KPNA4: variants seen among roughly 807,000 people sequenced by gnomAD.
KPNA4 encodes the protein importin subunit alpha-3.
A neutral mutation model predicts 71.3 loss-of-function variants in KPNA4; 13 were observed. The observed-to-expected ratio is 0.18, with a 90% confidence interval of 0.12 to 0.29. KPNA4 has a LOEUF of 0.29. Ranked by LOEUF, KPNA4 falls within the 10% of genes least tolerant of loss-of-function variation. The pLI, the probability that KPNA4 is intolerant of heterozygous loss-of-function variation, is 1.00. For missense variants in KPNA4, 334 were observed against 603.2 expected (o/e 0.55, Z 4.67); for synonymous variants, 189 against 195.2 (o/e 0.97, Z 0.26).
intron 16 of KPNA4, among the ~76,000 whole-genome samples, chr3:160,504,451 T>C (rs1456739658): frequency 6.6e-6 from 1 of 152,244 alleles, no homozygotes; most frequent in African/African-American, 2.4e-5. Context: ...TAATTTCCAC[T>C]ACTATTACTA....
chr3:160,514,933 A>G (rs887739666), intron 12 of KPNA4: 1 of 518,304 alleles, frequency 1.9e-6, no homozygotes, highest in Non-Finnish European at 3.9e-6. Flanking sequence ...GACCATTTTA[A>G]TGAACCTGTT....
intron 6 of KPNA4, 146 bp downstream of exon 6, chr3:160,531,316 C>G (rs1721569757): frequency 2.1e-6 from 1 of 479,826 alleles, no homozygotes. Context: ...TGTTAACAAA[C>G]CTTGCACTGC....
intron 1 of KPNA4, among the ~76,000 whole-genome samples, chr3:160,557,419 T>C (rs1452575254): frequency 1.3e-5 from 2 of 152,200 alleles, no homozygotes; most frequent in East Asian, 3.8e-4. Flanking sequence ...AACAGGACAC[T>C]GAGATAGACT....
chr3:160,544,849 G>C (rs1269109663), intron 1 of KPNA4, among the ~76,000 whole-genome samples: 2 of 152,134 alleles, frequency 1.3e-5, no homozygotes, highest in African/African-American at 4.8e-5. Context: ...GTAAGCAAGA[G>C]AGATTGAGGA....
chr3:160,531,111 G>C (rs143277128), intron 6 of KPNA4, among the ~76,000 whole-genome samples, 171 bp from the exon 7 acceptor site: 242 of 152,126 alleles, frequency 1.6e-3, no homozygotes, highest in Middle Eastern at 3.4e-3. Context: ...CATCTCTTCA[G>C]TATAAAAAGC....
chr3:160,515,364 T>C, intron 12 of KPNA4, 88 bp downstream of exon 12: 1 of 1,190,714 alleles, frequency 8.4e-7, no homozygotes, highest in South Asian at 1.5e-5. Flanking sequence ...GAATCAATAT[T>C]ACAGACATTT....
intron 13 of KPNA4, among the ~76,000 whole-genome samples, chr3:160,512,899 C>CG (rs1300354255): frequency 6.6e-6 from 1 of 152,002 alleles, no homozygotes; most frequent in Non-Finnish European, 1.5e-5. Context: ...CAAAGAATGA[C>CG]GGAATTAGAA....
At chr3:160,545,664 C>T (rs1312594516) in intron 1 of KPNA4, among the ~76,000 whole-genome samples, 2 of 152,130 alleles carry the variant, frequency 1.3e-5, no homozygotes, top group African/African-American at 4.8e-5. Flanking sequence ...GGGGGATGAG[C>T]AAAGGAGAGA....
At chr3:160,537,638 T>C (rs1721716151) in intron 1 of KPNA4, among the ~76,000 whole-genome samples, 1 of 148,814 alleles carries the variant, frequency 6.7e-6, no homozygotes, top group Non-Finnish European at 1.5e-5. Context: ...AAAGTCATAC[T>C]AGATGTCTAA....
chr3:160,560,139 T>C (rs995382434), intron 1 of KPNA4, among the ~76,000 whole-genome samples: 3 of 152,094 alleles, frequency 2.0e-5, no homozygotes, highest in Non-Finnish European at 4.4e-5. Flanking sequence ...AACCTTTTCA[T>C]CAAATTTGAG....
intron 11 of KPNA4, among the ~76,000 whole-genome samples, chr3:160,516,845 G>A (rs2108546933): frequency 6.6e-6 from 1 of 152,040 alleles, no homozygotes; most frequent in African/African-American, 2.4e-5. Flanking sequence ...TTTCACTATG[G>A]TATGAATTTG....
Position 160,499,969 on chromosome 3 carries a change from C to G in KPNA4, c.*2135G>C, listed in dbSNP as rs571079025. 1 of 152,164 alleles carries G rather than the reference C, an allele frequency of 6.6e-6. No individual in the cohort carries two copies. The highest frequency in any genetic ancestry group is 2.4e-5 in the African/African-American group (1 of 41,524). 9.4% of individuals were successfully genotyped at this position (152,164 alleles called of 1,614,324 possible). On this transcript the variant is annotated 3_prime_UTR_variant, in exon 17 of 17. Transcript: ENST00000334256. The stretch of plus-strand genomic sequence containing the variant: ...AACCTTGCTTTGGATAGAGAGAAAA[C>G]TGAAGCACTGATGGTGTCAACTGGA...
At chr3:160,560,422 C>T (rs1354868047) in intron 1 of KPNA4, among the ~76,000 whole-genome samples, 1 of 151,964 alleles carries the variant, frequency 6.6e-6, no homozygotes, top group Non-Finnish European at 1.5e-5. Context: ...ACTAAATCAG[C>T]GAGTAAGTAC....
At chr3:160,558,759 A>T (rs1433859311) in intron 1 of KPNA4, among the ~76,000 whole-genome samples, 6 of 151,796 alleles carry the variant, frequency 4.0e-5, no homozygotes, top group Non-Finnish European at 7.4e-5. Flanking sequence ...TACTTTTTTT[A>T]AAAAAAAAAT....
intron 1 of KPNA4, among the ~76,000 whole-genome samples, chr3:160,546,527 G>C (rs934830686): frequency 6.6e-6 from 1 of 152,066 alleles, no homozygotes. Flanking sequence ...CAGAAAAAAA[G>C]AAGAATCTGT....
In KPNA4 at chr3:160,495,824, C is replaced by T. The variant is rs1301360564; in HGVS notation, c.*6280G>A. ...TGTTTTATGCAGCTGAACAGGACAA[C>T]CCTGAAAAGACAAGAATTATGGTAA... On this transcript the variant is annotated 3_prime_UTR_variant, in exon 17 of 17. Transcript: ENST00000334256. 6.6e-6 allele frequency: 1 copy of T among 151,426 alleles called. No homozygotes were observed. The highest frequency in any genetic ancestry group is 2.1e-4 in the South Asian group (1 of 4,804). 9.4% of individuals were successfully genotyped at this position (151,426 alleles called of 1,614,324 possible). A position where few individuals can be genotyped will look rare whatever the true frequency, so the allele number is the denominator to read the frequency against.
chr3:160,532,622 T>G (rs1326534102), intron 5 of KPNA4, among the ~76,000 whole-genome samples: 1 of 152,222 alleles, frequency 6.6e-6, no homozygotes, highest in East Asian at 1.9e-4. Flanking sequence ...AAGTCCTCAG[T>G]GTGGCCTAAT....
chr3:160,521,123 A>G (rs1003376641), intron 11 of KPNA4, among the ~76,000 whole-genome samples: 1 of 152,242 alleles, frequency 6.6e-6, no homozygotes, highest in African/African-American at 2.4e-5. Context: ...AATGAAGATA[A>G]GAGTTAACTA....
chr3:160,524,111 A>C (rs1721414834), intron 10 of KPNA4, among the ~76,000 whole-genome samples: 2 of 152,216 alleles, frequency 1.3e-5, no homozygotes, highest in Admixed American at 1.3e-4. Context: ...TTATTTAGTA[A>C]GCAATATTAT....
Sources: gnomAD v4.1 joint callset for allele counts (sites outside exome capture counted in the v4.1 genomes callset) on GRCh38, gnomAD v4.1.1 for gene constraint, MANE v1.5 for transcripts, NCBI Gene and HGNC (gene_info 2026-07-23, HGNC 2026-07-21) for gene names.